The following PHF20L1 variants were observed in gnomAD, a reference collection of about 807,000 sequenced individuals.
PHF20L1 encodes the protein PHD finger protein 20 like 1.
Under a neutral mutation model 125.5 loss-of-function variants are expected in PHF20L1, and 44 were observed. The observed-to-expected ratio is 0.35, with a 90% CI of 0.28 to 0.45. PHF20L1 has a LOEUF of 0.45. Among genes scored for constraint, PHF20L1 ranks in the 20% least tolerant of loss-of-function variants. The pLI is 1.00. For synonymous variants in PHF20L1, 380 were observed against 403.1 expected (o/e 0.94, Z 0.69); for missense variants, 1,012 against 1,217.2 (o/e 0.83, Z 2.51).
Position 132,775,625 on chromosome 8 carries a change from T to G in PHF20L1, c.-58T>G, listed in dbSNP as rs1829586251. 2 of 342,476 alleles carry G rather than the reference T, an allele frequency of 5.8e-6. No homozygotes were observed. The highest frequency in any genetic ancestry group is 1.1e-5 in the Non-Finnish European group (2 of 189,940). The allele number at this position is 342,476 out of a possible 1,614,324, so 21.2% of individuals were successfully genotyped here. ...TCGGCCCCGGACGGCCCGGCTGCTG[T>G]GCAGAGAGGAGGCCGAGTCGGTAAG... is the stretch of plus-strand genomic sequence containing the variant. On this transcript the variant is annotated 5_prime_UTR_variant, in exon 1 of 21. Transcript: ENST00000395386.
chr8:132,825,167 A>T (rs1215419066), intron 13 of PHF20L1, 97 bp from the exon 14 acceptor site: 1 of 1,560,020 alleles, frequency 6.4e-7, no homozygotes, highest in South Asian at 1.1e-5. Flanking sequence ...GGTGACTGGA[A>T]TAGCTGATTA....
chr8:132,789,156 C>T (rs1239725780), intron 2 of PHF20L1, among the ~76,000 whole-genome samples: 6 of 152,012 alleles, frequency 3.9e-5, no homozygotes, highest in Non-Finnish European at 8.8e-5. Flanking sequence ...GTTGATACAA[C>T]AGGGAACTGA....
chr8:132,842,597 A>G lies in PHF20L1; in HGVS notation c.2470A>G (p.Lys824Glu). The part of the protein sequence containing the change: ...DQDQIIAGVE[K>E]KIAQDTVNRE... ...AGATCAAATAATAGCTGGGGTGGAGAAAAAAATAGCTCAAGACACAGTTAA... is the reference window on the plus strand; with the variant it reads ...AGATCAAATAATAGCTGGGGTGGAGGAAAAAATAGCTCAAGACACAGTTAA... The change falls in exon 19 of 21, where the codon AAA (lysine) becomes GAA (glutamate). Residue 824 changes from lysine (K) to glutamate (E), a missense_variant. By Grantham distance (56) the Lys-to-Glu change is moderately conservative (BLOSUM62 1). Around this residue, in one of 7 missense-constraint regions of PHF20L1, gnomAD observed 277 missense variants for 283.6 expected, o/e 0.98. Coordinates refer to ENST00000395386, the MANE Select transcript of PHF20L1 (RefSeq NM_016018.5). The G allele has an allele frequency of 1.2e-6, 2 of 1,612,730 alleles. No homozygotes were observed. Among genetic ancestry groups the G allele is most frequent in the Admixed American group, 1.7e-5 (1 of 59,810 alleles).
chr8:132,836,256 C>T (rs1321135371), intron 15 of PHF20L1: 3 of 223,708 alleles, frequency 1.3e-5, no homozygotes, highest in South Asian at 1.0e-4. Flanking sequence ...AATTTATTGA[C>T]ATCAGCCTTA....
At chr8:132,781,476 A>C (rs968078506) in intron 2 of PHF20L1, among the ~76,000 whole-genome samples, 12 of 151,918 alleles carry the variant, frequency 7.9e-5, no homozygotes, top group Admixed American at 6.6e-4. Flanking sequence ...TCAGTGGCGC[A>C]ATCTTGGCTC....
intron 15 of PHF20L1, among the ~76,000 whole-genome samples, chr8:132,834,956 CA>C (rs1382813487): frequency 2.0e-5 from 3 of 151,862 alleles, no homozygotes; most frequent in African/African-American, 7.3e-5. Context: ...ACAAAACATT[CA>C]AAAACATTGA....
chr8:132,812,373 A>G (rs1246576061), intron 9 of PHF20L1: 7 of 984,658 alleles, frequency 7.1e-6, no homozygotes, highest in Non-Finnish European at 8.4e-6. Flanking sequence ...TGATTGTGAA[A>G]AGTACTTATT....
intron 7 of PHF20L1, among the ~76,000 whole-genome samples, chr8:132,804,287 C>G (rs1403566215): frequency 5.3e-5 from 8 of 151,814 alleles, no homozygotes. Context: ...TTTATAACTT[C>G]TTGATAGCAG....
Position 132,847,912 on chromosome 8 carries a change from AT to A in PHF20L1, c.*1994del, listed in dbSNP as rs1365938434. The A allele has an allele frequency of 6.6e-6, 1 of 151,996 alleles. No individual in the cohort carries two copies. The highest frequency in any genetic ancestry group is 1.5e-5 in the Non-Finnish European group (1 of 67,904). 9.4% of individuals were successfully genotyped at this position (151,996 alleles called of 1,614,324 possible). On this transcript the variant is annotated 3_prime_UTR_variant, in exon 21 of 21. Coordinates refer to ENST00000395386, the MANE Select transcript of PHF20L1 (RefSeq NM_016018.5). ...TCTATATTTTATGATTGATACTATTATTTTTCCTTTGCATTTTAAAATAGTG... is the reference window on the plus strand; with the variant it reads ...TCTATATTTTATGATTGATACTATTATTTTCCTTTGCATTTTAAAATAGTG...
chr8:132,799,202 T>A (rs1252697663), intron 6 of PHF20L1, 30 bp downstream of exon 6: 2 of 1,421,574 alleles, frequency 1.4e-6, no homozygotes, highest in Non-Finnish European at 9.8e-7. Flanking sequence ...AAATTTTGTT[T>A]TGTTTTTCCT....
At position 132,844,139 on chromosome 8, in the gene PHF20L1, A is replaced by G. The variant is rs570303046; in HGVS notation, c.2749-17A>G. 10 of 1,610,794 alleles carry G rather than the reference A, an allele frequency of 6.2e-6. No homozygotes were observed. Among genetic ancestry groups the G allele is most frequent in the African/African-American group, 1.3e-5 (1 of 74,792 alleles). On this transcript the variant is annotated splice_polypyrimidine_tract_variant and intron_variant, in intron 19 of 20. Coordinates refer to ENST00000395386, the MANE Select transcript of PHF20L1 (RefSeq NM_016018.5). Reference sequence around the variant, plus strand: ...TCCCGTTCTTTGTGTTTATTTTCCAATGGTCCTTTGGAGAAGAATCCAGCT... The same window carrying G: ...TCCCGTTCTTTGTGTTTATTTTCCAGTGGTCCTTTGGAGAAGAATCCAGCT...
intron 2 of PHF20L1, among the ~76,000 whole-genome samples, chr8:132,792,305 A>G (rs896728221): frequency 3.3e-5 from 5 of 152,152 alleles, no homozygotes; most frequent in Admixed American, 3.3e-4. Context: ...TCTTAATACT[A>G]TTGACAATTT....
intron 2 of PHF20L1, chr8:132,788,820 C>T (rs1201372623): frequency 3.3e-5 from 5 of 152,110 alleles, no homozygotes; most frequent in African/African-American, 1.2e-4. Flanking sequence ...GAAGCGCTGA[C>T]AGTTTGAGTT....
intron 13 of PHF20L1, chr8:132,824,870 T>TG: frequency 2.8e-6 from 1 of 352,158 alleles, no homozygotes; most frequent in Admixed American, 4.3e-5. Flanking sequence ...TCAGGTTTTT[T>TG]TTTTTTAAAT....
intron 12 of PHF20L1, among the ~76,000 whole-genome samples, chr8:132,822,085 G>C (rs891966639): frequency 3.3e-5 from 5 of 151,766 alleles, no homozygotes; most frequent in Non-Finnish European, 5.9e-5. Context: ...ATCCTTACTT[G>C]AGTAAAACAT....
At chr8:132,810,894 C>T (rs1359584244) in intron 8 of PHF20L1, 152 bp from the exon 9 acceptor site, 2 of 595,122 alleles carry the variant, frequency 3.4e-6, no homozygotes, top group East Asian at 5.8e-5. Flanking sequence ...TATTATTAAG[C>T]ATATTTGTAT....
chr8:132,833,379 T>G (rs1364338922), intron 15 of PHF20L1, among the ~76,000 whole-genome samples: 1 of 152,060 alleles, frequency 6.6e-6, no homozygotes, highest in African/African-American at 2.4e-5. Flanking sequence ...TTTAGAACCT[T>G]GAGGTATGGG....
rs778810798 is a variant in PHF20L1, at chr8:132,788,282, A to G, written c.84-6128A>G. On this transcript the variant is annotated intron_variant, in intron 2 of 20. Coordinates refer to ENST00000395386, the MANE Select transcript of PHF20L1 (RefSeq NM_016018.5). ...ATGAATGAGGACTGTCAATTTCTAA[A>G]TTTACATGAATTAGACATCCTATTG... 2.0e-5 allele frequency among the ~76,000 whole-genome samples: 3 copies of G among 152,262 alleles called. No individual in the cohort carries two copies. In the South Asian group the frequency reaches 6.2e-4, roughly 32 times the overall value.
At chr8:132,778,998 C>T (rs563312179) in intron 2 of PHF20L1, among the ~76,000 whole-genome samples, 1 of 152,310 alleles carries the variant, frequency 6.6e-6, no homozygotes, top group South Asian at 2.1e-4. Context: ...CAATGGCAGG[C>T]AGAGAAATCT....
Sources: gnomAD v4.1 joint callset for allele counts (sites outside exome capture counted in the v4.1 genomes callset) on GRCh38, gnomAD v4.1.1 for gene constraint, gnomAD v4.1.1 regional missense constraint, MANE v1.5 for transcripts, NCBI Gene and HGNC (gene_info 2026-07-23, HGNC 2026-07-21) for gene names.